The following GAS1 variants were observed in gnomAD, a reference collection of about 807,000 sequenced individuals.
GAS1 encodes growth arrest specific 1, also known as growth arrest-specific protein 1.
Under a neutral mutation model 21.6 loss-of-function variants are expected in GAS1, and 10 were observed. The observed-to-expected ratio is 0.46, with a 90% CI of 0.29 to 0.79. GAS1 has a LOEUF of 0.79. Among genes scored for constraint, GAS1 ranks in the 30% least tolerant of loss-of-function variants. The probability of loss-of-function intolerance (pLI) is 0.10; values close to 1 mark genes in which losing one functional copy is unlikely to be tolerated. For synonymous variants in GAS1, 332 were observed against 264.0 expected (o/e 1.26, Z -2.50); for missense variants, 567 against 544.3 (o/e 1.04, Z -0.42).
chr9:86,946,522 C>T lies in GAS1; in HGVS notation c.258G>A (p.Gly86=). ...LAQHGGGDAP[G]AAAAAFPASA... is the part of the protein sequence containing the mutation. ...AGGCCGGGAAAGCGGCGGCGGCGGC[C>T]CCGGGCGCGTCGCCCCCGCCGTGCT... Residue 86 remains glycine, a synonymous_variant, in exon 1 of 1, where the codon GGG becomes GGA. Coordinates refer to ENST00000298743, the MANE Select transcript of GAS1 (RefSeq NM_002048.3). The surrounding 1 kb of genome is among the most constrained non-coding windows in gnomAD (Gnocchi z 5.2). 2.1e-6 allele frequency: 3 copies of T among 1,429,510 alleles called. No homozygotes were observed. Among genetic ancestry groups the T allele is most frequent in the Middle Eastern group, 2.5e-4 (1 of 3,982 alleles). The allele number at this position is 1,429,510 out of a possible 1,614,324, so 88.6% of individuals were successfully genotyped here.
rs1030618715 is a variant in GAS1 at position 86,945,731 on chromosome 9, G to A, written c.*11C>T. 31 of 1,529,696 alleles carry A rather than the reference G, an allele frequency of 2.0e-5. No individual in the cohort carries two copies. The African/African-American group carries it at 4.1e-4, about 20-fold the overall frequency. The allele number at this position is 1,529,696 out of a possible 1,614,324, so 94.8% of individuals were successfully genotyped here. A position where few individuals can be genotyped will look rare whatever the true frequency, so the allele number is the denominator to read the frequency against. On this transcript the variant is annotated 3_prime_UTR_variant, in exon 1 of 1. Coordinates refer to ENST00000298743, the MANE Select transcript of GAS1 (RefSeq NM_002048.3). ...GGGCTCTCCCGCAGCCAACGGCGGG[G>A]GGCGCGAGGGCTAAAAGAGCGGCCC...
Position 86,946,551 on chromosome 9 carries a change from C to A in GAS1, c.229G>T (p.Ala77Ser). 7.2e-7 allele frequency: 1 copy of A among 1,394,492 alleles called. No individual in the cohort carries two copies. Among genetic ancestry groups the A allele is most frequent in the Non-Finnish European group, 9.3e-7 (1 of 1,078,080 alleles). 86.4% of individuals were successfully genotyped at this position (1,394,492 alleles called of 1,614,324 possible). A position where few individuals can be genotyped will look rare whatever the true frequency, so the allele number is the denominator to read the frequency against. Residue 77 changes from alanine to serine, a missense_variant, in exon 1 of 1, where the codon GCG becomes TCG. Physicochemically the swap from Ala to Ser is moderately conservative, Grantham distance 99 (BLOSUM62 1). Transcript: ENST00000298743. This position sits in a 1 kb window ranked among gnomAD's most constrained non-coding sequence, Gnocchi z 5.2. ...GGCGCGTCGCCCCCGCCGTGCTGCG[C>A]CAGCACCGGCGCGCACGCCTCGGCG... ...QYAEACAPVL[A>S]QHGGGDAPGA...
Position 86,946,167 on chromosome 9 carries a change from T to C in GAS1, c.613A>G (p.Thr205Ala). The change falls in exon 1 of 1, where the codon ACC (threonine) becomes GCC (alanine). Residue 205 changes from threonine (T) to alanine (A), a missense_variant. Transcript: ENST00000298743. This position sits in a 1 kb window ranked among gnomAD's most constrained non-coding sequence, Gnocchi z 5.2. ...NGLRCTDECR[T>A]VIEDMLAMPK... Reference sequence around the variant, plus strand: ...ATAGCCAGCATGTCCTCAATGACGGTGCGGCATTCGTCCGTGCAGCGCAGC... The same window carrying C: ...ATAGCCAGCATGTCCTCAATGACGGCGCGGCATTCGTCCGTGCAGCGCAGC... The C allele has an allele frequency of 6.2e-7, 1 of 1,607,730 alleles. No homozygotes were observed. Among genetic ancestry groups the C allele is most frequent in the East Asian group, 2.2e-5 (1 of 44,812 alleles).
Position 86,947,480 on chromosome 9 carries a change from C to A in GAS1, c.-701G>T, listed in dbSNP as rs941890701. The stretch of plus-strand genomic sequence containing the variant: ...GCAGCTTCTCGGGTGACCAAGAGCC[C>A]GGGGAGCGGATCCGCTGAGCCCGGC... On this transcript the variant is annotated 5_prime_UTR_variant, in exon 1 of 1. Transcript: ENST00000298743. 6.6e-6 allele frequency among the ~76,000 whole-genome samples: 1 copy of A among 152,284 alleles called. No individual in the cohort carries two copies. Among genetic ancestry groups the A allele is most frequent in the African/African-American group, 2.4e-5 (1 of 41,592 alleles).
chr9:86,946,341 G>C lies in GAS1; in HGVS notation c.439C>G (p.Leu147Val). 6.9e-7 allele frequency: 1 copy of C among 1,452,554 alleles called. No homozygotes were observed. Among genetic ancestry groups the C allele is most frequent in the Non-Finnish European group, 9.1e-7 (1 of 1,104,022 alleles). The allele number at this position is 1,452,554 out of a possible 1,614,324, so 90.0% of individuals were successfully genotyped here. A position where few individuals can be genotyped will look rare whatever the true frequency, so the allele number is the denominator to read the frequency against. Reference protein sequence around the residue: ...KSTKRAIEPCLPRTSGGGAGG... With the variant: ...KSTKRAIEPCVPRTSGGGAGG... ...GCGCCGCCGCCGCTCGTCCGGGGCA[G>C]GCACGGCTCAATGGCGCGCTTGGTG... Residue 147 changes from leucine to valine, a missense_variant, in exon 1 of 1, where the codon CTG becomes GTG. Physicochemically the swap from Leu to Val is conservative, Grantham distance 32. Coordinates refer to ENST00000298743, the MANE Select transcript of GAS1 (RefSeq NM_002048.3). This position sits in a 1 kb window ranked among gnomAD's most constrained non-coding sequence, Gnocchi z 5.2.
chr9:86,946,087 G>T lies in GAS1; in HGVS notation c.693C>A (p.Ile231=). 6.2e-7 allele frequency: 1 copy of T among 1,608,078 alleles called. No individual in the cohort carries two copies. Among genetic ancestry groups the T allele is most frequent in the Non-Finnish European group, 8.5e-7 (1 of 1,179,602 alleles). ...CCATGTTCTCCTTGACCGACTCGCAGATGGGCCGCTCGAGGCCGTCGCACA... is the reference window on the plus strand; with the variant it reads ...CCATGTTCTCCTTGACCGACTCGCATATGGGCCGCTCGAGGCCGTCGCACA... ...DCVCDGLERP[I]CESVKENMAR... The change falls in exon 1 of 1, where the codon ATC becomes ATA. Residue 231 remains isoleucine (I), a synonymous_variant. Transcript: ENST00000298743. The surrounding 1 kb of genome is among the most constrained non-coding windows in gnomAD (Gnocchi z 5.2).
At position 86,947,367 on chromosome 9, in the gene GAS1, C is replaced by A. The variant is rs898487408; in HGVS notation, c.-588G>T. Among the ~76,000 whole-genome samples, 6 of 151,954 alleles carry A rather than the reference C, an allele frequency of 3.9e-5. No homozygotes were observed. Among genetic ancestry groups the A allele is most frequent in the Admixed American group, 2.0e-4 (3 of 15,274 alleles). On this transcript the variant is annotated 5_prime_UTR_variant, in exon 1 of 1. Coordinates refer to ENST00000298743, the MANE Select transcript of GAS1 (RefSeq NM_002048.3). ...CCGCCCGCGGCAACCCCGGCCTCCG[C>A]AGAGCTCCGGGGAGCTCTTTCCGGG...
rs1449575282 is a variant in GAS1 at position 86,946,487 on chromosome 9, G to A, written c.293C>T (p.Ser98Phe). The stretch of plus-strand genomic sequence containing the variant: ...CGGGCAGCGCCAGCGCGACGAGAAA[G>A]AGGCGGCCGAGGCCGGGAAAGCGGC... ...AAAAFPASAA[S>F]FSSRWRCPSH... Residue 98 changes from serine (S) to phenylalanine (F), a missense_variant, in exon 1 of 1, where the codon TCT becomes TTT. By Grantham distance (155) the Ser-to-Phe change is radical. Transcript: ENST00000298743. This position sits in a 1 kb window ranked among gnomAD's most constrained non-coding sequence, Gnocchi z 5.2. The A allele has an allele frequency of 1.2e-5, 18 of 1,449,516 alleles. No individual in the cohort carries two copies. Among genetic ancestry groups the A allele is most frequent in the Non-Finnish European group, 1.6e-5 (18 of 1,103,030 alleles). 89.8% of individuals were successfully genotyped at this position (1,449,516 alleles called of 1,614,324 possible).
At position 86,945,598 on chromosome 9, in the gene GAS1, C is replaced by T. The variant is rs1825470006; in HGVS notation, c.*144G>A. The stretch of plus-strand genomic sequence containing the variant: ...GTCGTGGCCGGGGAACCGGCTACAC[C>T]AAGTTGACTTGGAAAAAGTTTTGGG... On this transcript the variant is annotated 3_prime_UTR_variant, in exon 1 of 1. Coordinates refer to ENST00000298743, the MANE Select transcript of GAS1 (RefSeq NM_002048.3). 4 of 776,322 alleles carry T rather than the reference C, an allele frequency of 5.2e-6. No homozygotes were observed. The highest frequency in any genetic ancestry group is 7.2e-6 in the Non-Finnish European group (4 of 554,100). The allele number at this position is 776,322 out of a possible 1,614,324, so 48.1% of individuals were successfully genotyped here.
Position 86,947,244 on chromosome 9 carries a change from A to ACCG in GAS1, c.-468_-466dup, listed in dbSNP as rs991751617. 4.6e-5 allele frequency: 7 copies of ACCG among 150,902 alleles called. No homozygotes were observed. The highest frequency in any genetic ancestry group is 1.0e-4 in the Non-Finnish European group (7 of 67,592). 9.3% of individuals were successfully genotyped at this position (150,902 alleles called of 1,614,324 possible). A position where few individuals can be genotyped will look rare whatever the true frequency, so the allele number is the denominator to read the frequency against. On this transcript the variant is annotated 5_prime_UTR_variant, in exon 1 of 1. Transcript: ENST00000298743. ...CTGGGCTCAGTGCCTCGCCGCCGCC[A>ACCG]CCGCCGCCGCGGTCTCTCGCATCGC...
In GAS1 at chr9:86,945,613, A is replaced by G. The variant is rs537612689; in HGVS notation, c.*129T>C. On this transcript the variant is annotated 3_prime_UTR_variant, in exon 1 of 1. Coordinates refer to ENST00000298743, the MANE Select transcript of GAS1 (RefSeq NM_002048.3). ...CCGGCTACACCAAGTTGACTTGGAA[A>G]AAGTTTTGGGAAGTATCCCCAACCA... The G allele has an allele frequency of 2.6e-4, 243 of 930,122 alleles. 1 individual carries two copies. In the African/African-American group the frequency reaches 4.0e-3, roughly 15 times the overall value. 57.6% of individuals were successfully genotyped at this position (930,122 alleles called of 1,614,324 possible).
Position 86,944,456 on chromosome 9 carries a change from T to C in GAS1, c.*1286A>G, listed in dbSNP as rs972029299. 3 of 152,202 alleles carry C rather than the reference T, an allele frequency of 2.0e-5. No individual in the cohort carries two copies. The highest frequency in any genetic ancestry group is 7.2e-5 in the African/African-American group (3 of 41,444). The allele number at this position is 152,202 out of a possible 1,614,324, so 9.4% of individuals were successfully genotyped here. ...TCCATAGTTATTTAAAAACTTAGGA[T>C]TTTTAAAAAACATGTCTATAAAAAT... On this transcript the variant is annotated 3_prime_UTR_variant, in exon 1 of 1. Coordinates refer to ENST00000298743, the MANE Select transcript of GAS1 (RefSeq NM_002048.3).
At position 86,946,413 on chromosome 9, in the gene GAS1, G is replaced by T; in HGVS notation, c.367C>A (p.Pro123Thr). 1 of 1,491,896 alleles carries T rather than the reference G, an allele frequency of 6.7e-7. No individual in the cohort carries two copies. Among genetic ancestry groups the T allele is most frequent in the South Asian group, 1.2e-5 (1 of 80,550 alleles). The allele number at this position is 1,491,896 out of a possible 1,614,324, so 92.4% of individuals were successfully genotyped here. A position where few individuals can be genotyped will look rare whatever the true frequency, so the allele number is the denominator to read the frequency against. Residue 123 changes from proline (P) to threonine (T), a missense_variant, in exon 1 of 1, where the codon CCC becomes ACC. Physicochemically the swap from Pro to Thr is conservative, Grantham distance 38 (BLOSUM62 -1). Transcript: ENST00000298743. The surrounding 1 kb of genome is among the most constrained non-coding windows in gnomAD (Gnocchi z 5.2). Reference protein sequence around the residue: ...LIQLNHTRRGPALEDCDCAQD... With the variant: ...LIQLNHTRRGTALEDCDCAQD... Reference sequence around the variant, plus strand: ...GCGCAGTCACAGTCCTCCAGGGCGGGCCCGCGGCGCGTGTGGTTGAGCTGA... The same window carrying T: ...GCGCAGTCACAGTCCTCCAGGGCGGTCCCGCGGCGCGTGTGGTTGAGCTGA...
At position 86,946,770 on chromosome 9, in the gene GAS1, C is replaced by T. The variant is rs1488388762; in HGVS notation, c.10G>A (p.Ala4Thr). ...GCCTCGCCGCCGCCGCCCAGCAGCG[C>T]GGCCACCATCGCGGGCAGCGGCGGC... MVA[A>T]LLGGGGEARG... Residue 4 changes from alanine to threonine, a missense_variant, in exon 1 of 1, where the codon GCG becomes ACG. Ala to Thr is a moderately conservative substitution (Grantham distance 58). Transcript: ENST00000298743. This position sits in a 1 kb window ranked among gnomAD's most constrained non-coding sequence, Gnocchi z 5.2. 1.0e-5 allele frequency: 11 copies of T among 1,067,502 alleles called. No homozygotes were observed. The African/African-American group carries it at 1.2e-4, about 11-fold the overall frequency. 66.1% of individuals were successfully genotyped at this position (1,067,502 alleles called of 1,614,324 possible).
At position 86,946,143 on chromosome 9, in the gene GAS1, T is replaced by C. The variant is rs1202404573; in HGVS notation, c.637A>G (p.Met213Val). 1 of 1,608,982 alleles carries C rather than the reference T, an allele frequency of 6.2e-7. No homozygotes were observed. The highest frequency in any genetic ancestry group is 1.3e-5 in the African/African-American group (1 of 74,872). Residue 213 changes from methionine (M) to valine (V), a missense_variant, in exon 1 of 1, where the codon ATG becomes GTG. Physicochemically the swap from Met to Val is conservative, Grantham distance 21. Transcript: ENST00000298743. The surrounding 1 kb of genome is among the most constrained non-coding windows in gnomAD (Gnocchi z 5.2). The part of the protein sequence containing the change: ...CRTVIEDMLA[M>V]PKAALLNDCV... Reference sequence around the variant, plus strand: ...TCGTTGAGCAGCGCCGCCTTGGGCATAGCCAGCATGTCCTCAATGACGGTG... The same window carrying C: ...TCGTTGAGCAGCGCCGCCTTGGGCACAGCCAGCATGTCCTCAATGACGGTG...
At position 86,946,742 on chromosome 9, in the gene GAS1, C is replaced by G. The variant is rs941573406; in HGVS notation, c.38G>C (p.Arg13Pro). The part of the protein sequence containing the change: ...AALLGGGGEA[R>P]GGTVPGAWLC... Reference sequence around the variant, plus strand: ...CCAGGCGCCCGGCACTGTCCCCCCGCGGGCCTCGCCGCCGCCGCCCAGCAG... The same window carrying G: ...CCAGGCGCCCGGCACTGTCCCCCCGGGGGCCTCGCCGCCGCCGCCCAGCAG... The change falls in exon 1 of 1, where the codon CGC becomes CCC. Residue 13 changes from arginine (R) to proline (P), a missense_variant. Coordinates refer to ENST00000298743, the MANE Select transcript of GAS1 (RefSeq NM_002048.3). The surrounding 1 kb of genome is among the most constrained non-coding windows in gnomAD (Gnocchi z 5.2). 1.3e-5 allele frequency: 16 copies of G among 1,247,240 alleles called. No individual in the cohort carries two copies. In the African/African-American group the frequency reaches 2.2e-4, roughly 17 times the overall value. 77.3% of individuals were successfully genotyped at this position (1,247,240 alleles called of 1,614,324 possible). A position where few individuals can be genotyped will look rare whatever the true frequency, so the allele number is the denominator to read the frequency against.
chr9:86,946,599 A>G lies in GAS1; in HGVS notation c.181T>C (p.Cys61Arg). The G allele has an allele frequency of 6.9e-7, 1 of 1,447,374 alleles. No individual in the cohort carries two copies. The highest frequency in any genetic ancestry group is 9.1e-7 in the Non-Finnish European group (1 of 1,102,764). The allele number at this position is 1,447,374 out of a possible 1,614,324, so 89.7% of individuals were successfully genotyped here. A position where few individuals can be genotyped will look rare whatever the true frequency, so the allele number is the denominator to read the frequency against. ...ALLQCQGEPE[C>R]SYAYNQYAEA... The stretch of plus-strand genomic sequence containing the variant: ...GCGTACTGGTTGTAGGCGTAGCTGC[A>G]CTCCGGCTCCCCCTGGCACTGCAGC... Residue 61 changes from cysteine to arginine, a missense_variant, in exon 1 of 1, where the codon TGC (cysteine) becomes CGC (arginine). Transcript: ENST00000298743. The surrounding 1 kb of genome is among the most constrained non-coding windows in gnomAD (Gnocchi z 5.2).
chr9:86,946,754 C>A lies in GAS1; in HGVS notation c.26G>T (p.Gly9Val), dbSNP rs1023936786. The change falls in exon 1 of 1, where the codon GGC (glycine) becomes GTC (valine). Residue 9 changes from glycine (G) to valine (V), a missense_variant. By Grantham distance (109) the Gly-to-Val change is moderately radical. Coordinates refer to ENST00000298743, the MANE Select transcript of GAS1 (RefSeq NM_002048.3). The surrounding 1 kb of genome is among the most constrained non-coding windows in gnomAD (Gnocchi z 5.2). MVAALLGG[G>V]GEARGGTVPG... ...CACTGTCCCCCCGCGGGCCTCGCCG[C>A]CGCCGCCCAGCAGCGCGGCCACCAT... 4.2e-6 allele frequency: 5 copies of A among 1,190,216 alleles called. No individual in the cohort carries two copies. The African/African-American group carries it at 6.5e-5, about 15-fold the overall frequency. The allele number at this position is 1,190,216 out of a possible 1,614,324, so 73.7% of individuals were successfully genotyped here. A position where few individuals can be genotyped will look rare whatever the true frequency, so the allele number is the denominator to read the frequency against.
In GAS1 at chr9:86,946,586, T is replaced by A; in HGVS notation, c.194A>T (p.Tyr65Phe). 6.9e-7 allele frequency: 1 copy of A among 1,441,320 alleles called. No homozygotes were observed. The highest frequency in any genetic ancestry group is 9.1e-7 in the Non-Finnish European group (1 of 1,099,774). 89.3% of individuals were successfully genotyped at this position (1,441,320 alleles called of 1,614,324 possible). A position where few individuals can be genotyped will look rare whatever the true frequency, so the allele number is the denominator to read the frequency against. Reference protein sequence around the residue: ...CQGEPECSYAYNQYAEACAPV... With the variant: ...CQGEPECSYAFNQYAEACAPV... ...CGCGCACGCCTCGGCGTACTGGTTGTAGGCGTAGCTGCACTCCGGCTCCCC... is the reference window on the plus strand; with the variant it reads ...CGCGCACGCCTCGGCGTACTGGTTGAAGGCGTAGCTGCACTCCGGCTCCCC... Residue 65 changes from tyrosine (Y) to phenylalanine (F), a missense_variant, in exon 1 of 1, where the codon TAC becomes TTC. Tyr to Phe is a conservative substitution (Grantham distance 22). Coordinates refer to ENST00000298743, the MANE Select transcript of GAS1 (RefSeq NM_002048.3). This position sits in a 1 kb window ranked among gnomAD's most constrained non-coding sequence, Gnocchi z 5.2.
Sources: allele counts gnomAD v4.1 joint callset (sites outside exome capture counted in the v4.1 genomes callset), GRCh38; gene constraint gnomAD v4.1.1; non-coding constraint Gnocchi (gnomAD v3.1); transcripts MANE v1.5; gene names NCBI Gene and HGNC (gene_info 2026-07-23, HGNC 2026-07-21).